TRMT11: variants seen among roughly 807,000 people sequenced by gnomAD.
TRMT11 encodes tRNA (guanine(10)-N(2))-methyltransferase TRMT11.
A neutral mutation model predicts 62.8 loss-of-function variants in TRMT11; 53 were observed. The ratio of observed to expected loss-of-function variants is 0.84; its 90% CI spans 0.68 to 1.06. The LOEUF (loss-of-function observed/expected upper bound fraction) is 1.06. Among genes scored for constraint, TRMT11 ranks in the 50% least tolerant of loss-of-function variants. The probability of loss-of-function intolerance (pLI) is 0.00; values close to 1 mark genes in which losing one functional copy is unlikely to be tolerated. For missense variants in TRMT11, 556 were observed against 553.4 expected, an observed-to-expected ratio of 1.00 and a Z score of -0.05; for synonymous variants, 188 against 190.3, an observed-to-expected ratio of 0.99 and a Z score of 0.10.
At chr6:126,241,049 C>G in the TRMT11 span, among the ~76,000 whole-genome samples, 1 of 152,240 alleles carries the variant, frequency 6.6e-6, no homozygotes, top group African/African-American at 2.4e-5. Context: ...TTTGCTAAGA[C>G]AATTGGAAAA....
chr6:126,247,491 A>G, the TRMT11 span, among the ~76,000 whole-genome samples: 1 of 142,386 alleles, frequency 7.0e-6, no homozygotes, highest in African/African-American at 2.6e-5. Flanking sequence ...CTATCTATCT[A>G]AAATACCTAT....
intron 21 of TRMT11, among the ~76,000 whole-genome samples, chr6:126,122,378 T>C (rs1271627805): frequency 2.0e-5 from 3 of 152,092 alleles, no homozygotes; most frequent in Non-Finnish European, 4.4e-5. Context: ...GTCCCATTTT[T>C]CCTCAAGGCT....
the TRMT11 span, among the ~76,000 whole-genome samples, chr6:126,216,994 A>G: frequency 2.4e-4 from 36 of 151,948 alleles, no homozygotes; most frequent in African/African-American, 6.8e-4. Flanking sequence ...ACTAATTCTC[A>G]CTTCTGCTTA....
In TRMT11 at chr6:126,008,426, A is replaced by T. The variant is rs775760079; in HGVS notation, c.714A>T (p.Ala238=). Residue 238 remains alanine (A), a synonymous_variant, in exon 8 of 13, where the codon GCA becomes GCT. Coordinates refer to ENST00000334379, the MANE Select transcript of TRMT11 (RefSeq NM_001031712.3). Reference sequence around the variant, plus strand: ...TGATAGCATGTGCTCATTTTGGTGCATATGTGTATGGGACAGACATAGACT... The same window carrying T: ...TGATAGCATGTGCTCATTTTGGTGCTTATGTGTATGGGACAGACATAGACT... ...GLLIACAHFG[A]YVYGTDIDYN... is the part of the protein sequence containing the mutation. 6.2e-7 allele frequency: 1 copy of T among 1,613,156 alleles called. No individual in the cohort carries two copies. Among genetic ancestry groups the T allele is most frequent in the South Asian group, 1.1e-5 (1 of 91,048 alleles).
chr6:126,087,671 C>T (rs1777230562), intron 17 of TRMT11, among the ~76,000 whole-genome samples: 1 of 152,146 alleles, frequency 6.6e-6, no homozygotes, highest in Non-Finnish European at 1.5e-5. Context: ...AAAGGAGAGC[C>T]TTGTAGGAGG....
At chr6:126,100,467 T>C (rs976856972) in intron 17 of TRMT11, among the ~76,000 whole-genome samples, 5 of 152,226 alleles carry the variant, frequency 3.3e-5, no homozygotes, top group African/African-American at 4.8e-5. Context: ...TTAGGAGTCT[T>C]TCTTGTTGCA....
the TRMT11 span, among the ~76,000 whole-genome samples, chr6:126,235,600 C>T: frequency 4.6e-5 from 7 of 152,136 alleles, no homozygotes; most frequent in African/African-American, 1.7e-4. Context: ...AAAGCAGGAA[C>T]AGAAAACCAA....
intron 17 of TRMT11, among the ~76,000 whole-genome samples, chr6:126,070,835 G>A (rs1163077246): frequency 6.6e-6 from 1 of 152,130 alleles, no homozygotes; most frequent in Non-Finnish European, 1.5e-5. Context: ...TTTACAGATG[G>A]GGAAACTGAG....
the TRMT11 span, among the ~76,000 whole-genome samples, chr6:126,212,749 G>A: frequency 6.6e-6 from 1 of 151,972 alleles, no homozygotes; most frequent in African/African-American, 2.4e-5. Flanking sequence ...TTTGCTGATT[G>A]CTTCTTTTGC....
chr6:126,099,295 C>A (rs1007885421), intron 17 of TRMT11, among the ~76,000 whole-genome samples: 1 of 152,192 alleles, frequency 6.6e-6, no homozygotes, highest in Admixed American at 6.5e-5. Context: ...CTTACACATT[C>A]TCTACTTGCT....
chr6:126,168,411 T>C (rs1248747967), intron 21 of TRMT11, among the ~76,000 whole-genome samples: 2 of 152,214 alleles, frequency 1.3e-5, no homozygotes, highest in Non-Finnish European at 2.9e-5. Flanking sequence ...TATGGAGCTA[T>C]AGGAATAAAT....
intron 7 of TRMT11, among the ~76,000 whole-genome samples, chr6:126,000,318 G>A (rs6930280): frequency 0.71 from 107,202 of 151,962 alleles, 38,336 homozygotes; most frequent in East Asian, 0.95. Flanking sequence ...CAAGCTCATT[G>A]TGGCTCATTT....
At chr6:126,119,800 T>A (rs1777629950) in intron 21 of TRMT11, among the ~76,000 whole-genome samples, 2 of 152,244 alleles carry the variant, frequency 1.3e-5, no homozygotes, top group Middle Eastern at 3.4e-3. Flanking sequence ...AACTTACATA[T>A]ATTTAGAACC....
intron 21 of TRMT11, among the ~76,000 whole-genome samples, chr6:126,162,362 A>G (rs1778201070): frequency 6.6e-6 from 1 of 152,206 alleles, no homozygotes; most frequent in Non-Finnish European, 1.5e-5. Flanking sequence ...GTCAAAGATC[A>G]GATGGTTGTA....
At chr6:126,131,251 A>C (rs1562329779) in intron 21 of TRMT11, among the ~76,000 whole-genome samples, 1 of 152,098 alleles carries the variant, frequency 6.6e-6, no homozygotes, top group East Asian at 1.9e-4. Context: ...GTGTTAGAGC[A>C]AATTTTGACC....
intron 11 of TRMT11, among the ~76,000 whole-genome samples, chr6:126,020,527 A>C (rs1041414697): frequency 3.9e-5 from 6 of 151,952 alleles, no homozygotes; most frequent in African/African-American, 1.5e-4. Context: ...AGTCTCCACC[A>C]CTCATTGGCA....
chr6:126,246,150 C>T, the TRMT11 span, among the ~76,000 whole-genome samples: 2 of 152,032 alleles, frequency 1.3e-5, no homozygotes, highest in Middle Eastern at 3.4e-3. Flanking sequence ...GTGATGTACA[C>T]CTGTAGTCCC....
At chr6:126,097,901 C>A (rs973771144) in intron 17 of TRMT11, among the ~76,000 whole-genome samples, 2 of 152,062 alleles carry the variant, frequency 1.3e-5, no homozygotes, top group South Asian at 4.2e-4. Context: ...AGAAACATCT[C>A]CATACTCTTT....
At chr6:126,094,952 T>C (rs2128172376) in intron 17 of TRMT11, among the ~76,000 whole-genome samples, 1 of 152,300 alleles carries the variant, frequency 6.6e-6, no homozygotes, top group African/African-American at 2.4e-5. Context: ...GAGAATCAGA[T>C]CTAGATTCTA....
Sources: gnomAD v4.1 joint callset for allele counts (sites outside exome capture counted in the v4.1 genomes callset) on GRCh38, gnomAD v4.1.1 for gene constraint, MANE v1.5 for transcripts, NCBI Gene and HGNC (gene_info 2026-07-23, HGNC 2026-07-21) for gene names.